The following UMAD1 variants were observed in gnomAD, a reference collection of about 807,000 sequenced individuals.
UMAD1 encodes the protein UBAP1-MVB12-associated (UMA)-domain containing protein 1.
Under a neutral mutation model 6.1 loss-of-function variants are expected in UMAD1, and 8 were observed. The observed-to-expected ratio is 1.30, with a 90% CI of 0.76 to 2.35. The LOEUF (loss-of-function observed/expected upper bound fraction) is 2.35. UMAD1 is among the 30% of genes most tolerant of loss of function. The pLI, the probability that UMAD1 is intolerant of heterozygous loss-of-function variation, is 0.00. For synonymous variants in UMAD1, 56 were observed against 31.4 expected, an observed-to-expected ratio of 1.78 and a Z score of -2.61; for missense variants, 130 against 78.4, an observed-to-expected ratio of 1.66 and a Z score of -2.49.
intron 3 of UMAD1, among the ~76,000 whole-genome samples, chr7:7,813,241 A>G (rs1247236357): frequency 6.6e-6 from 1 of 151,942 alleles, no homozygotes; most frequent in African/African-American, 2.4e-5. Context: ...TTTTAGATGG[A>G]GTCTCGCTCT....
chr7:7,719,029 A>T (rs527730617), intron 2 of UMAD1, among the ~76,000 whole-genome samples: 1 of 152,162 alleles, frequency 6.6e-6, no homozygotes, highest in African/African-American at 2.4e-5. Flanking sequence ...TAAAAAACAT[A>T]TGAGTATTTT....
chr7:7,683,624 TC>T (rs1779965011), intron 2 of UMAD1, among the ~76,000 whole-genome samples: 1 of 151,858 alleles, frequency 6.6e-6, no homozygotes, highest in Admixed American at 6.6e-5. Context: ...TGTTTTCTTT[TC>T]CTTTTCTTTT....
At chr7:7,744,678 T>C (rs1033078387) in intron 2 of UMAD1, among the ~76,000 whole-genome samples, 1 of 152,130 alleles carries the variant, frequency 6.6e-6, no homozygotes, top group East Asian at 1.9e-4. Context: ...ACCTGATGGC[T>C]AATGATGTTT....
intron 2 of UMAD1, among the ~76,000 whole-genome samples, chr7:7,766,551 A>G (rs1158118924): frequency 6.6e-6 from 1 of 152,214 alleles, no homozygotes; most frequent in Non-Finnish European, 1.5e-5. Flanking sequence ...TCTTCTTCTC[A>G]ATCATACAGG....
chr7:7,852,837 C>A (rs1351562822), intron 3 of UMAD1, among the ~76,000 whole-genome samples: 2 of 152,176 alleles, frequency 1.3e-5, no homozygotes, highest in Non-Finnish European at 2.9e-5. Context: ...TGTGACTGGA[C>A]AAAATGGATA....
intron 2 of UMAD1, among the ~76,000 whole-genome samples, chr7:7,778,267 T>TGAGA (rs1475878780): frequency 5.4e-4 from 58 of 107,848 alleles, no homozygotes; most frequent in East Asian, 4.8e-3. Flanking sequence ...TGTGTGTGTG[T>TGAGA]GTGTGTGTGA....
At chr7:7,749,069 A>G (rs1264239064) in intron 2 of UMAD1, among the ~76,000 whole-genome samples, 1 of 152,128 alleles carries the variant, frequency 6.6e-6, no homozygotes, top group African/African-American at 2.4e-5. Flanking sequence ...TCCCTTGATA[A>G]TGTTTTTAAA....
At chr7:7,700,000 T>C (rs1053209423) in intron 2 of UMAD1, among the ~76,000 whole-genome samples, 4 of 152,270 alleles carry the variant, frequency 2.6e-5, no homozygotes, top group African/African-American at 9.6e-5. Context: ...AGTGTGGTGA[T>C]ACTTACAAGT....
chr7:7,654,481 C>T (rs975222946), intron 1 of UMAD1, among the ~76,000 whole-genome samples: 1 of 152,220 alleles, frequency 6.6e-6, no homozygotes, highest in Non-Finnish European at 1.5e-5. Flanking sequence ...CCTGCTGATA[C>T]CCAAATCCAC....
chr7:7,693,904 C>G (rs961609146), intron 2 of UMAD1, among the ~76,000 whole-genome samples: 2 of 152,054 alleles, frequency 1.3e-5, no homozygotes, highest in Non-Finnish European at 1.5e-5. Context: ...TTCATATTAT[C>G]TTAAAATGGC....
At chr7:7,725,930 C>G (rs11981145) in intron 2 of UMAD1, among the ~76,000 whole-genome samples, 20,365 of 152,230 alleles carry the variant, frequency 0.13, 1,595 homozygotes, top group African/African-American at 0.22. Context: ...ACTACAGCCT[C>G]TTCTTAGGAC....
intron 2 of UMAD1, among the ~76,000 whole-genome samples, chr7:7,770,008 C>A (rs779355284): frequency 6.6e-6 from 1 of 152,150 alleles, no homozygotes; most frequent in Non-Finnish European, 1.5e-5. Context: ...GATGACTTTT[C>A]TTTCCCTTTT....
chr7:7,731,832 A>C (rs1476690010), intron 2 of UMAD1, among the ~76,000 whole-genome samples: 3 of 152,154 alleles, frequency 2.0e-5, no homozygotes, highest in Admixed American at 1.3e-4. Flanking sequence ...AATCAGGAGA[A>C]GTGTAGTAGC....
rs547204430 is a variant in UMAD1 at position 7,810,464 on chromosome 7, G to A, written c.156+8721G>A. The stretch of plus-strand genomic sequence containing the variant: ...AGTTTTTATAAATGACACTGATGAT[G>A]AGTTTTCAATAAAATATACAGATAT... On this transcript the variant is annotated intron_variant, in intron 3 of 3. Coordinates refer to ENST00000682710, the MANE Select transcript of UMAD1 (RefSeq NM_001302348.2). 2.0e-4 allele frequency among the ~76,000 whole-genome samples: 31 copies of A among 152,148 alleles called. No homozygotes were observed. In the South Asian group the frequency reaches 6.4e-3, roughly 32 times the overall value.
rs183854985 is a variant in UMAD1, at chr7:7,858,435, G to C, written c.157-18846G>C. On this transcript the variant is annotated intron_variant, in intron 3 of 3. Coordinates refer to ENST00000682710, the MANE Select transcript of UMAD1 (RefSeq NM_001302348.2). ...AAAGCTCTGTTGGGCTGTAAGCATA[G>C]TTTCTATACACTTAAAAACACTTTG... Among the ~76,000 whole-genome samples, 169 of 152,286 alleles carry C rather than the reference G, an allele frequency of 1.1e-3. 2 individuals are homozygous for C. The highest frequency in any genetic ancestry group is 1.8e-4 in the Non-Finnish European group (12 of 68,018).
chr7:7,804,605 G>A (rs1271845268), intron 3 of UMAD1, among the ~76,000 whole-genome samples: 6 of 152,128 alleles, frequency 3.9e-5, no homozygotes, highest in Non-Finnish European at 8.8e-5. Context: ...ACTGGGAGGC[G>A]GAGGTTGCAG....
At chr7:7,642,253 G>T (rs1046449542) in intron 1 of UMAD1, among the ~76,000 whole-genome samples, 8 of 137,140 alleles carry the variant, frequency 5.8e-5, no homozygotes, top group African/African-American at 2.6e-4. Context: ...TCTCACCTCA[G>T]CCTGCCAAGT....
intron 3 of UMAD1, among the ~76,000 whole-genome samples, chr7:7,825,903 A>G (rs1352329680): frequency 3.3e-5 from 5 of 152,142 alleles, no homozygotes; most frequent in Non-Finnish European, 7.4e-5. Flanking sequence ...CTCAGGTATA[A>G]AATGGGCACA....
chr7:7,761,021 C>G (rs1781878130), intron 2 of UMAD1, among the ~76,000 whole-genome samples: 1 of 152,212 alleles, frequency 6.6e-6, no homozygotes, highest in Admixed American at 6.5e-5. Context: ...ATAGGAAATA[C>G]TGTGGGCAGG....
Sources: gnomAD v4.1 joint callset for allele counts (sites outside exome capture counted in the v4.1 genomes callset) on GRCh38, gnomAD v4.1.1 for gene constraint, MANE v1.5 for transcripts, NCBI Gene and HGNC (gene_info 2026-07-23, HGNC 2026-07-21) for gene names.